KCNQ5: variants seen among roughly 807,000 people sequenced by gnomAD.
The protein encoded by KCNQ5 is potassium voltage-gated channel subfamily KQT member 5.
KCNQ5 carries 30 observed loss-of-function variants against 98.2 expected under a neutral mutation model. That is an observed-to-expected ratio of 0.31 (90% CI 0.23 to 0.41). KCNQ5 has a LOEUF of 0.41. Ranked by LOEUF, KCNQ5 falls within the 10% of genes least tolerant of loss-of-function variation. The pLI, the probability that KCNQ5 is intolerant of heterozygous loss-of-function variation, is 1.00. For missense variants in KCNQ5, 835 were observed against 1,182.5 expected, an observed-to-expected ratio of 0.71 and a Z score of 4.31; for synonymous variants, 458 against 449.4, an observed-to-expected ratio of 1.02 and a Z score of -0.24.
chr6:72,838,949 C>CAAAAAAAAAAA (rs67894922), intron 1 of KCNQ5, among the ~76,000 whole-genome samples: 7 of 58,714 alleles, frequency 1.2e-4, no homozygotes, highest in South Asian at 9.7e-4. Context: ...GACTCCGTCT[C>CAAAAAAAAAAA]AAAAAAAAAA....
chr6:73,194,915 A>C lies in KCNQ5; in HGVS notation c.2300A>C (p.His767Pro), dbSNP rs763649361. The C allele has an allele frequency of 2.3e-5, 37 of 1,614,136 alleles. No individual in the cohort carries two copies. The highest frequency in any genetic ancestry group is 3.1e-5 in the Non-Finnish European group (37 of 1,180,026). Residue 767 changes from histidine (H) to proline (P), a missense_variant, in exon 14 of 14, where the codon CAC (histidine) becomes CCC (proline). His to Pro is a moderately conservative substitution (Grantham distance 77, BLOSUM62 -2). This residue lies in a region of KCNQ5 where 416 missense variants were observed against 446.9 expected (regional missense o/e 0.93). Coordinates refer to ENST00000370398, the MANE Select transcript of KCNQ5 (RefSeq NM_019842.4). ...IKHLPRPETL[H>P]PNPAGLQESI... is the part of the protein sequence containing the mutation. ...CATCTGCCCAGGCCAGAAACTCTGC[A>C]CCCTAACCCTGCAGGCTTACAGGAA...
In KCNQ5 at chr6:72,863,536, G is replaced by A. The variant is rs554649059; in HGVS notation, c.399-140372G>A. On this transcript the variant is annotated intron_variant, in intron 1 of 13. Coordinates refer to ENST00000370398, the MANE Select transcript of KCNQ5 (RefSeq NM_019842.4). ...ATTGAAAGGACTCTAAAGGGCTTAG[G>A]GAAAGGAAAATTTCCCTAAACTGCA... Among the ~76,000 whole-genome samples, 174 of 152,190 alleles carry A rather than the reference G, an allele frequency of 1.1e-3. 1 individual carries two copies. Among genetic ancestry groups the A allele is most frequent in the Middle Eastern group, 3.4e-3 (1 of 294 alleles).
intron 3 of KCNQ5, among the ~76,000 whole-genome samples, chr6:73,060,900 A>G (rs915786052): frequency 6.6e-6 from 1 of 152,194 alleles, no homozygotes; most frequent in Non-Finnish European, 1.5e-5. Context: ...AGGCACTCAC[A>G]TGCCACAGGA....
chr6:73,063,816 G>C (rs1772933678), intron 3 of KCNQ5, among the ~76,000 whole-genome samples: 2 of 151,926 alleles, frequency 1.3e-5, no homozygotes, highest in Admixed American at 6.6e-5. Flanking sequence ...TATAATGAAT[G>C]TCAGGTATTT....
At chr6:72,752,512 A>G (rs907730846) in intron 1 of KCNQ5, among the ~76,000 whole-genome samples, 3 of 152,140 alleles carry the variant, frequency 2.0e-5, no homozygotes, top group African/African-American at 4.8e-5. Context: ...GCAGGGTCCT[A>G]AAGAACATAG....
At chr6:72,967,266 T>TAA (rs1433436115) in intron 1 of KCNQ5, among the ~76,000 whole-genome samples, 1 of 152,202 alleles carries the variant, frequency 6.6e-6, no homozygotes, top group Non-Finnish European at 1.5e-5. Context: ...AAATTTTTCA[T>TAA]ATTCTCACTG....
chr6:72,739,744 C>T (rs1771033030), intron 1 of KCNQ5, among the ~76,000 whole-genome samples: 1 of 152,144 alleles, frequency 6.6e-6, no homozygotes, highest in Admixed American at 6.5e-5. Flanking sequence ...CTGTTAATTC[C>T]CACAGCAGCT....
chr6:72,885,024 A>C (rs1778797917), intron 1 of KCNQ5, among the ~76,000 whole-genome samples: 1 of 152,174 alleles, frequency 6.6e-6, no homozygotes. Flanking sequence ...CAGTTACCCT[A>C]TCTTTAAAAT....
chr6:72,689,844 T>A (rs549123822), intron 1 of KCNQ5, among the ~76,000 whole-genome samples: 1 of 152,158 alleles, frequency 6.6e-6, no homozygotes, highest in South Asian at 2.1e-4. Flanking sequence ...AAACCCATAG[T>A]AAGTTGACAG....
chr6:72,728,231 C>T (rs969648828), intron 1 of KCNQ5, among the ~76,000 whole-genome samples: 1 of 152,042 alleles, frequency 6.6e-6, no homozygotes, highest in Non-Finnish European at 1.5e-5. Flanking sequence ...CGCATGCCAC[C>T]CACACACAAA....
chr6:72,931,843 G>A (rs1343858360), intron 1 of KCNQ5, among the ~76,000 whole-genome samples: 1 of 152,172 alleles, frequency 6.6e-6, no homozygotes, highest in African/African-American at 2.4e-5. Context: ...CTGCCAGAGA[G>A]AGCTTCCAGA....
At chr6:72,938,986 C>A (rs1481314999) in intron 1 of KCNQ5, among the ~76,000 whole-genome samples, 1 of 152,184 alleles carries the variant, frequency 6.6e-6, no homozygotes, top group African/African-American at 2.4e-5. Flanking sequence ...TATTGTAAGA[C>A]ATACAATATC....
chr6:73,037,311 A>G (rs1297320964), intron 2 of KCNQ5, among the ~76,000 whole-genome samples: 1 of 152,106 alleles, frequency 6.6e-6, no homozygotes, highest in African/African-American at 2.4e-5. Context: ...CTCCCAGTCT[A>G]TGGCTTGTCT....
At chr6:73,035,957 A>C (rs1285759784) in intron 2 of KCNQ5, among the ~76,000 whole-genome samples, 2 of 150,242 alleles carry the variant, frequency 1.3e-5, no homozygotes, top group African/African-American at 5.0e-5. Context: ...AATCTCATTC[A>C]GATTTCTCCA....
chr6:73,039,791 G>T (rs1771607769), intron 2 of KCNQ5, among the ~76,000 whole-genome samples: 1 of 152,132 alleles, frequency 6.6e-6, no homozygotes, highest in African/African-American at 2.4e-5. Flanking sequence ...TTCTGCTGAT[G>T]TTGGGTGAAA....
chr6:73,048,216 A>C (rs1384157096), intron 3 of KCNQ5, among the ~76,000 whole-genome samples: 2 of 152,248 alleles, frequency 1.3e-5, no homozygotes, highest in African/African-American at 4.8e-5. Flanking sequence ...TGGTCTGAGA[A>C]AGTCTTTCTA....
At chr6:72,938,809 T>A (rs1412247033) in intron 1 of KCNQ5, among the ~76,000 whole-genome samples, 2 of 152,156 alleles carry the variant, frequency 1.3e-5, no homozygotes, top group Admixed American at 6.5e-5. Context: ...AAAACTGACA[T>A]ATAAACAAAA....
intron 1 of KCNQ5, among the ~76,000 whole-genome samples, chr6:72,980,685 C>A (rs1768396318): frequency 6.6e-6 from 1 of 152,168 alleles, no homozygotes; most frequent in Non-Finnish European, 1.5e-5. Context: ...TGCCTGATTG[C>A]CCTGGCCAGA....
intron 1 of KCNQ5, among the ~76,000 whole-genome samples, chr6:72,975,262 A>T (rs948430091): frequency 6.6e-6 from 1 of 152,108 alleles, no homozygotes; most frequent in Non-Finnish European, 1.5e-5. Context: ...GTCACAAAAA[A>T]AAGCTTGATG....
Sources: gnomAD v4.1 joint callset for allele counts (sites outside exome capture counted in the v4.1 genomes callset) on GRCh38, gnomAD v4.1.1 for gene constraint, gnomAD v4.1.1 regional missense constraint, MANE v1.5 for transcripts, NCBI Gene and HGNC (gene_info 2026-07-23, HGNC 2026-07-21) for gene names.